Variants in PITPNC1 observed in about 807,000 individuals in gnomAD.
PITPNC1 encodes the protein phosphatidylinositol transfer protein cytoplasmic 1, also known as cytoplasmic phosphatidylinositol transfer protein 1.
A neutral mutation model predicts 44.7 loss-of-function variants in PITPNC1; 18 were observed. The ratio of observed to expected loss-of-function variants is 0.40; its 90% CI spans 0.28 to 0.60. PITPNC1 has a LOEUF of 0.60. Among genes scored for constraint, PITPNC1 ranks in the 20% least tolerant of loss-of-function variants. The pLI, the probability that PITPNC1 is intolerant of heterozygous loss-of-function variation, is 0.39. For synonymous variants in PITPNC1, 141 were observed against 149.6 expected (o/e 0.94, Z 0.42); for missense variants, 290 against 418.4 (o/e 0.69, Z 2.68).
intron 4 of PITPNC1, among the ~76,000 whole-genome samples, chr17:67,560,162 C>T (rs1032360259): frequency 2.6e-5 from 4 of 152,206 alleles, no homozygotes; most frequent in Non-Finnish European, 4.4e-5. Context: ...TGGCATGCAA[C>T]GTTTCCCGAG....
At chr17:67,617,195 G>A (rs888821343) in intron 5 of PITPNC1, among the ~76,000 whole-genome samples, 1 of 152,210 alleles carries the variant, frequency 6.6e-6, no homozygotes, top group African/African-American at 2.4e-5. Context: ...GAGAATGGAA[G>A]AAAGAGGTCC....
At chr17:67,573,850 C>A (rs2041097462) in intron 4 of PITPNC1, among the ~76,000 whole-genome samples, 1 of 152,136 alleles carries the variant, frequency 6.6e-6, no homozygotes, top group Admixed American at 6.5e-5. Flanking sequence ...CATGAGCCAC[C>A]ATGCCCGGCT....
At chr17:67,470,241 CATAGA>C (rs1310338684) in intron 1 of PITPNC1, among the ~76,000 whole-genome samples, 3 of 152,142 alleles carry the variant, frequency 2.0e-5, no homozygotes, top group African/African-American at 7.2e-5. Flanking sequence ...ATATAGCTAA[CATAGA>C]ATAGAACTCA....
intron 1 of PITPNC1, among the ~76,000 whole-genome samples, chr17:67,443,096 C>CA (rs1332617519): frequency 6.6e-6 from 1 of 152,014 alleles, no homozygotes; most frequent in Non-Finnish European, 1.5e-5. Flanking sequence ...ATTCAGCCCC[C>CA]TCGGTTTGGC....
chr17:67,515,008 G>A (rs2040239544), intron 1 of PITPNC1, among the ~76,000 whole-genome samples: 1 of 152,122 alleles, frequency 6.6e-6, no homozygotes, highest in Non-Finnish European at 1.5e-5. Context: ...CTAGTGCTCA[G>A]TCTCCCAACT....
At chr17:67,668,971 G>A (rs2042468601) in intron 6 of PITPNC1, among the ~76,000 whole-genome samples, 1 of 152,218 alleles carries the variant, frequency 6.6e-6, no homozygotes, top group Non-Finnish European at 1.5e-5. Context: ...GCACAAGGTT[G>A]TGCAACTGTC....
chr17:67,425,367 C>A (rs2038748578), intron 1 of PITPNC1, among the ~76,000 whole-genome samples: 2 of 151,810 alleles, frequency 1.3e-5, no homozygotes, highest in Admixed American at 1.3e-4. Context: ...AAGTCCTAAA[C>A]CCTTGCTATG....
At chr17:67,430,623 G>A (rs2038842322) in intron 1 of PITPNC1, among the ~76,000 whole-genome samples, 1 of 151,936 alleles carries the variant, frequency 6.6e-6, no homozygotes, top group African/African-American at 2.4e-5. Flanking sequence ...TTTGAAACCA[G>A]CCTAGGCAAG....
intron 1 of PITPNC1, among the ~76,000 whole-genome samples, chr17:67,430,439 G>T (rs1387408908): frequency 2.7e-5 from 4 of 150,702 alleles, no homozygotes; most frequent in Non-Finnish European, 2.9e-5. Context: ...AGTGAGCTGA[G>T]ATCATGCCAC....
At chr17:67,487,778 C>G (rs865906073) in intron 1 of PITPNC1, among the ~76,000 whole-genome samples, 1 of 152,184 alleles carries the variant, frequency 6.6e-6, no homozygotes, top group South Asian at 2.1e-4. Flanking sequence ...GGTGGGGGAG[C>G]AGGATGTGTT....
chr17:67,490,162 T>G (rs941010966), intron 1 of PITPNC1, among the ~76,000 whole-genome samples: 3 of 134,520 alleles, frequency 2.2e-5, no homozygotes, highest in Admixed American at 1.5e-4. Flanking sequence ...GTGTGTGTGT[T>G]TTAATTAACG....
At chr17:67,523,781 C>T (rs1250048702) in intron 1 of PITPNC1, among the ~76,000 whole-genome samples, 1 of 149,346 alleles carries the variant, frequency 6.7e-6, no homozygotes, top group African/African-American at 2.5e-5. Flanking sequence ...TGCTCCACCT[C>T]ACCAGCTCAG....
intron 1 of PITPNC1, among the ~76,000 whole-genome samples, chr17:67,522,466 T>C (rs1034567522): frequency 4.4e-4 from 67 of 152,190 alleles, no homozygotes; most frequent in African/African-American, 1.6e-3. Flanking sequence ...AGGAAGCTTC[T>C]AAACCAAAGG....
chr17:67,466,352 A>G (rs996451687), intron 1 of PITPNC1, among the ~76,000 whole-genome samples: 2 of 152,016 alleles, frequency 1.3e-5, no homozygotes, highest in Admixed American at 1.3e-4. Flanking sequence ...ACCCCTCTCA[A>G]TGTCAGCCAT....
chr17:67,609,229 A>C (rs2041655205), intron 5 of PITPNC1, among the ~76,000 whole-genome samples: 1 of 150,188 alleles, frequency 6.7e-6, no homozygotes, highest in African/African-American at 2.5e-5. Flanking sequence ...AGCTGTGTTC[A>C]TCACAGAGCT....
At chr17:67,564,483 A>G (rs1365487990) in intron 4 of PITPNC1, among the ~76,000 whole-genome samples, 1 of 152,150 alleles carries the variant, frequency 6.6e-6, no homozygotes, top group Non-Finnish European at 1.5e-5. Flanking sequence ...CCAGCCCCTC[A>G]GCAGGTTGGA....
At chr17:67,463,298 T>A (rs2039371482) in intron 1 of PITPNC1, among the ~76,000 whole-genome samples, 1 of 152,264 alleles carries the variant, frequency 6.6e-6, no homozygotes, top group African/African-American at 2.4e-5. Context: ...AAAGCTTGAT[T>A]TTGATCAGTT....
At chr17:67,385,982 T>G (rs937082007) in intron 1 of PITPNC1, among the ~76,000 whole-genome samples, 21 of 152,300 alleles carry the variant, frequency 1.4e-4, no homozygotes, top group African/African-American at 4.6e-4. Flanking sequence ...AAAACCCTGG[T>G]TAAAAGTAGG....
chr17:67,607,675 C>G lies in PITPNC1; in HGVS notation c.367-24468C>G, dbSNP rs149590335. Among the ~76,000 whole-genome samples the G allele has an allele frequency of 1.3e-4, 20 of 152,154 alleles. No individual in the cohort carries two copies. In the East Asian group the frequency reaches 3.9e-3, roughly 29 times the overall value. On this transcript the variant is annotated intron_variant, in intron 5 of 8. Coordinates refer to ENST00000581322, the MANE Select transcript of PITPNC1 (RefSeq NM_012417.4). Reference sequence around the variant, plus strand: ...ATTTACATCATTTCCCCCAACCCCCCAGAACCCTTTGAGAGTCATATACAG... The same window carrying G: ...ATTTACATCATTTCCCCCAACCCCCGAGAACCCTTTGAGAGTCATATACAG...
Sources: gnomAD v4.1 joint callset for allele counts (sites outside exome capture counted in the v4.1 genomes callset) on GRCh38, gnomAD v4.1.1 for gene constraint, MANE v1.5 for transcripts, NCBI Gene and HGNC (gene_info 2026-07-23, HGNC 2026-07-21) for gene names.